Variants in ADGRL3 observed in about 807,000 individuals in gnomAD.
The protein encoded by ADGRL3 is adhesion G protein-coupled receptor L3, also known as calcium-independent alpha-latrotoxin receptor 3.
ADGRL3 carries 62 observed loss-of-function variants against 153.5 expected under a neutral mutation model. The observed-to-expected ratio is 0.40, with a 90% CI of 0.33 to 0.50. ADGRL3 has a LOEUF of 0.50. Ranked by LOEUF, ADGRL3 falls within the 20% of genes least tolerant of loss-of-function variation. The probability of loss-of-function intolerance (pLI) is 0.47; values close to 1 mark genes in which losing one functional copy is unlikely to be tolerated. For synonymous variants in ADGRL3, 710 were observed against 672.5 expected (o/e 1.06, Z -0.86); for missense variants, 1,641 against 1,859.4 (o/e 0.88, Z 2.16).
intron 5 of ADGRL3, among the ~76,000 whole-genome samples, chr4:61,594,569 C>T (rs933462426): frequency 1.3e-5 from 2 of 152,134 alleles, no homozygotes; most frequent in African/African-American, 2.4e-5. Flanking sequence ...AATTATCTCA[C>T]TTACCAGGCA....
At chr4:61,709,111 G>A (rs1215533249) in intron 6 of ADGRL3, among the ~76,000 whole-genome samples, 1 of 152,038 alleles carries the variant, frequency 6.6e-6, no homozygotes, top group African/African-American at 2.4e-5. Context: ...ACCCGGCTCA[G>A]TTCTTAAACT....
intron 8 of ADGRL3, among the ~76,000 whole-genome samples, chr4:61,738,125 T>C (rs191470905): frequency 7.9e-4 from 120 of 152,218 alleles, no homozygotes; most frequent in Non-Finnish European, 1.2e-3. Context: ...ATCATTCTTA[T>C]GCCTTTTGCA....
chr4:61,663,480 T>C (rs2094677467), intron 5 of ADGRL3, among the ~76,000 whole-genome samples: 1 of 152,190 alleles, frequency 6.6e-6, no homozygotes, highest in Non-Finnish European at 1.5e-5. Context: ...TGCCTGGTGG[T>C]GTGCAGCGGA....
intron 5 of ADGRL3, among the ~76,000 whole-genome samples, chr4:61,646,984 C>G (rs934407334): frequency 1.3e-5 from 2 of 152,178 alleles, no homozygotes; most frequent in Non-Finnish European, 2.9e-5. Context: ...CCTGGTGCGC[C>G]GTTTTTTAAG....
At chr4:61,988,782 A>G (rs2099094360) in intron 19 of ADGRL3, among the ~76,000 whole-genome samples, 1 of 152,152 alleles carries the variant, frequency 6.6e-6, no homozygotes. Context: ...CACACTGGGA[A>G]GGGGTAAAGC....
chr4:61,622,991 A>G (rs901811448), intron 5 of ADGRL3, among the ~76,000 whole-genome samples: 14 of 152,146 alleles, frequency 9.2e-5, no homozygotes, highest in Admixed American at 6.6e-4. Flanking sequence ...GAGGGAAACA[A>G]CGTTCAAAAA....
chr4:61,332,790 G>A (rs550875617), intron 1 of ADGRL3, among the ~76,000 whole-genome samples: 8 of 152,072 alleles, frequency 5.3e-5, no homozygotes, highest in East Asian at 3.9e-4. Flanking sequence ...AAAGAAAGCC[G>A]TCATCTCAAG....
intron 4 of ADGRL3, among the ~76,000 whole-genome samples, chr4:61,560,455 A>T (rs552603183): frequency 6.6e-6 from 1 of 152,208 alleles, no homozygotes; most frequent in East Asian, 1.9e-4. Context: ...TTTCCAAAGT[A>T]CAAATTAATG....
At chr4:61,985,670 G>T (rs994221607) in intron 19 of ADGRL3, among the ~76,000 whole-genome samples, 6 of 152,124 alleles carry the variant, frequency 3.9e-5, no homozygotes, top group Non-Finnish European at 7.4e-5. Context: ...CAGAATTATT[G>T]GGAGCATAGT....
At chr4:61,818,877 A>T (rs544808903) in intron 9 of ADGRL3, among the ~76,000 whole-genome samples, 1 of 152,290 alleles carries the variant, frequency 6.6e-6, no homozygotes, top group Non-Finnish European at 1.5e-5. Flanking sequence ...TGCAATTTTC[A>T]AAATAAAAAT....
At chr4:61,533,488 T>C (rs1381861394) in intron 4 of ADGRL3, among the ~76,000 whole-genome samples, 1 of 151,910 alleles carries the variant, frequency 6.6e-6, no homozygotes, top group East Asian at 1.9e-4. Context: ...TTTTATCACC[T>C]TCATTGTAAC....
At chr4:61,417,002 C>T (rs2097151251) in intron 2 of ADGRL3, among the ~76,000 whole-genome samples, 1 of 152,042 alleles carries the variant, frequency 6.6e-6, no homozygotes, top group Non-Finnish European at 1.5e-5. Flanking sequence ...AAACAGGCAG[C>T]CTAGATCCCT....
chr4:61,901,627 T>A (rs1177163883), intron 11 of ADGRL3, among the ~76,000 whole-genome samples: 1 of 152,212 alleles, frequency 6.6e-6, no homozygotes, highest in Non-Finnish European at 1.5e-5. Flanking sequence ...TTCAAAGAAA[T>A]GGTAGCTATG....
chr4:61,660,740 G>T (rs1416349438), intron 5 of ADGRL3, among the ~76,000 whole-genome samples: 1 of 152,078 alleles, frequency 6.6e-6, no homozygotes, highest in Non-Finnish European at 1.5e-5. Flanking sequence ...GATTTTTACA[G>T]TGCTAAGAGG....
Position 61,237,279 on chromosome 4 carries a change from A to T in ADGRL3, c.-240+35514A>T, listed in dbSNP as rs547153335. 2.5e-3 allele frequency among the ~76,000 whole-genome samples: 381 copies of T among 152,296 alleles called. 2 individuals carry two copies. Among genetic ancestry groups the T allele is most frequent in the African/African-American group, 8.9e-3 (368 of 41,562 alleles). ...AAGTAGCATTAAATGAAGTATTTTTACATTGCCATATTTTATCCATACATA... is the reference window on the plus strand; with the variant it reads ...AAGTAGCATTAAATGAAGTATTTTTTCATTGCCATATTTTATCCATACATA... On this transcript the variant is annotated intron_variant, in intron 1 of 26. Coordinates refer to ENST00000683033, the MANE Select transcript of ADGRL3 (RefSeq NM_001387552.1).
intron 1 of ADGRL3, among the ~76,000 whole-genome samples, chr4:61,246,006 C>T (rs1398952822): frequency 6.6e-6 from 1 of 152,082 alleles, no homozygotes; most frequent in Non-Finnish European, 1.5e-5. Flanking sequence ...TGATCTGTAG[C>T]TACCACTTAT....
chr4:61,960,533 G>A (rs183705622), intron 17 of ADGRL3, among the ~76,000 whole-genome samples: 2 of 152,268 alleles, frequency 1.3e-5, no homozygotes, highest in Non-Finnish European at 2.9e-5. Context: ...CCACAGGAGA[G>A]TTTTGAGCAG....
At chr4:61,628,479 G>A (rs2092964914) in intron 5 of ADGRL3, among the ~76,000 whole-genome samples, 1 of 134,312 alleles carries the variant, frequency 7.4e-6, no homozygotes. Flanking sequence ...TATTTATAAT[G>A]TGGTTTACCC....
At chr4:61,978,842 A>C (rs2099057321) in intron 17 of ADGRL3, among the ~76,000 whole-genome samples, 1 of 150,988 alleles carries the variant, frequency 6.6e-6, no homozygotes, top group Non-Finnish European at 1.5e-5. Context: ...AATTCTGAAT[A>C]TTTATTTTCT....
Sources: allele counts gnomAD v4.1 joint callset (sites outside exome capture counted in the v4.1 genomes callset), GRCh38; gene constraint gnomAD v4.1.1; transcripts MANE v1.5; gene names NCBI Gene and HGNC (gene_info 2026-07-23, HGNC 2026-07-21).